C3orf22: variants seen among roughly 807,000 people sequenced by gnomAD.
The protein encoded by C3orf22 is uncharacterized protein C3orf22.
C3orf22 carries 7 observed loss-of-function variants against 10.8 expected under a neutral mutation model. That is an observed-to-expected ratio of 0.65 (90% confidence interval 0.37 to 1.22). The LOEUF (loss-of-function observed/expected upper bound fraction) is 1.22. C3orf22 is among the 50% of genes most tolerant of loss of function. The probability of loss-of-function intolerance (pLI) is 0.02; values close to 1 mark genes in which losing one functional copy is unlikely to be tolerated. For synonymous variants in C3orf22, 79 were observed against 78.9 expected (o/e 1.00, Z 0.00); for missense variants, 173 against 177.0 (o/e 0.98, Z 0.13).
intron 3 of C3orf22, 96 bp from the exon 4 acceptor site, chr3:126,550,174 G>A: frequency 7.3e-7 from 1 of 1,371,008 alleles, no homozygotes; most frequent in Non-Finnish European, 1.0e-6. Flanking sequence ...ACATCTGGGA[G>A]GGCTCCAACT....
downstream of C3orf22, among the ~76,000 whole-genome samples, chr3:126,548,657 G>T (rs1233750682): frequency 6.6e-6 from 1 of 152,178 alleles, no homozygotes; most frequent in Non-Finnish European, 1.5e-5. Flanking sequence ...CCTGGACCTG[G>T]GGTCCCACCT....
At chr3:126,555,769 A>T (rs1576253000) in intron 1 of C3orf22, among the ~76,000 whole-genome samples, 1 of 151,942 alleles carries the variant, frequency 6.6e-6, no homozygotes, top group Non-Finnish European at 1.5e-5. Context: ...ACCCTCTAAC[A>T]CCCTTGCCAG....
intron 4 of C3orf22, among the ~76,000 whole-genome samples, chr3:126,531,168 C>T (rs1042386958): frequency 3.9e-5 from 6 of 152,276 alleles, no homozygotes; most frequent in African/African-American, 9.6e-5. Context: ...CGCAGCCTCA[C>T]CTGGAGCTGC....
Position 126,553,424 on chromosome 3 carries a change from GC to G in C3orf22, c.-35del. On this transcript the variant is annotated 5_prime_UTR_variant, in exon 2 of 4. The change abolishes the stop of an existing upstream ORF in the 5' untranslated region. Transcript: ENST00000318225. ...GGGTTAAGCTGAGGCACACCTCTCA[GC>G]CATGGCTGGAAGACAAGAGGAGGCG... 1 of 1,590,036 alleles carries G rather than the reference GC, an allele frequency of 6.3e-7. No individual in the cohort carries two copies. The highest frequency in any genetic ancestry group is 2.3e-5 in the East Asian group (1 of 44,224).
In C3orf22 at chr3:126,549,840, T is replaced by C. The variant is rs1221698428; in HGVS notation, c.*28A>G. The C allele has an allele frequency of 6.3e-6, 10 of 1,586,990 alleles. No homozygotes were observed. Among genetic ancestry groups the C allele is most frequent in the Non-Finnish European group, 8.6e-6 (10 of 1,165,834 alleles). The stretch of plus-strand genomic sequence containing the variant: ...AGCCTGCCAAGGAGAAGGTGGCCAA[T>C]AAGAAGGCCACACACAGAGCCCAGT... On this transcript the variant is annotated 3_prime_UTR_variant, in exon 4 of 4. Coordinates refer to ENST00000318225, the MANE Select transcript of C3orf22 (RefSeq NM_152533.3).
At chr3:126,534,838 G>A (rs1354886457) in intron 4 of C3orf22, among the ~76,000 whole-genome samples, 1 of 145,112 alleles carries the variant, frequency 6.9e-6, no homozygotes, top group African/African-American at 2.6e-5. Context: ...CATACACAGA[G>A]AGCATCCCTG....
chr3:126,536,611 T>TG (rs1380321497), intron 4 of C3orf22, among the ~76,000 whole-genome samples: 22 of 151,866 alleles, frequency 1.4e-4, no homozygotes, highest in Admixed American at 8.5e-4. Flanking sequence ...GTGTTGCAGA[T>TG]AAAAAAGAGT....
At chr3:126,540,026 C>T (rs1170837308) in intron 4 of C3orf22, among the ~76,000 whole-genome samples, 3 of 149,344 alleles carry the variant, frequency 2.0e-5, no homozygotes, top group Non-Finnish European at 3.0e-5. Context: ...ATGCCACACA[C>T]ACGCACACCA....
At chr3:126,527,607 A>C (rs1054182782) in exon 6 of C3orf22, 8 of 152,472 alleles carry the variant, frequency 5.2e-5, no homozygotes, top group Non-Finnish European at 1.2e-4. Context: ...GGACAGGCCT[A>C]GGCCACATGC....
At chr3:126,542,180 CCG>C in intron 4 of C3orf22, 1 of 1,450,100 alleles carries the variant, frequency 6.9e-7, no homozygotes, top group Non-Finnish European at 9.0e-7. Flanking sequence ...GCGCCTGCGG[CCG>C]CGCGCGCTCC....
At position 126,557,078 on chromosome 3, in the gene C3orf22, TCA is replaced by T. The variant is rs371344338; in HGVS notation, c.-41+1547_-41+1548del. On this transcript the variant is annotated intron_variant, in intron 1 of 3. Transcript: ENST00000318225. ...CAGACTCACACATTCACACACAGAT[TCA>T]CACACACACAGATTCACACTCACAC... Among the ~76,000 whole-genome samples the T allele has an allele frequency of 1.4e-3, 203 of 149,620 alleles. No individual in the cohort carries two copies. In the Middle Eastern group the frequency reaches 0.046, roughly 34 times the overall value.
At chr3:126,541,584 T>G (rs1328193878) in intron 4 of C3orf22, 1 of 644,492 alleles carries the variant, frequency 1.6e-6, no homozygotes, top group Admixed American at 3.9e-5. Flanking sequence ...AACCACACAG[T>G]GATCAGTGAC....
intron 2 of C3orf22, 108 bp downstream of exon 2, chr3:126,553,194 C>A (rs1186977804): frequency 3.3e-5 from 28 of 847,056 alleles, no homozygotes; most frequent in Non-Finnish European, 5.7e-5. Flanking sequence ...TCCCTGTGGA[C>A]AAAACCCCCT....
intron 4 of C3orf22, among the ~76,000 whole-genome samples, chr3:126,539,340 G>A (rs964153647): frequency 5.3e-5 from 8 of 152,002 alleles, no homozygotes; most frequent in African/African-American, 7.3e-5. Flanking sequence ...GCCCTGTTCT[G>A]CACTTTGGTT....
chr3:126,553,931 T>C (rs1937263958), intron 1 of C3orf22, among the ~76,000 whole-genome samples: 1 of 152,234 alleles, frequency 6.6e-6, no homozygotes, highest in Non-Finnish European at 1.5e-5. Flanking sequence ...CCACTGTTAA[T>C]ATTCAGATGT....
At chr3:126,535,922 G>A (rs560895555) in intron 4 of C3orf22, among the ~76,000 whole-genome samples, 23 of 152,392 alleles carry the variant, frequency 1.5e-4, no homozygotes, top group Non-Finnish European at 2.4e-4. Flanking sequence ...GTTGGGGCAT[G>A]AGGCCAGGGC....
intron 2 of C3orf22, among the ~76,000 whole-genome samples, chr3:126,552,951 C>CG (rs1937232929): frequency 1.3e-5 from 2 of 152,250 alleles, no homozygotes; most frequent in African/African-American, 4.8e-5. Flanking sequence ...TGGCTAGTTG[C>CG]GAGTCCCAGG....
intron 1 of C3orf22, among the ~76,000 whole-genome samples, chr3:126,557,330 CCTA>C (rs1937373020): frequency 6.6e-6 from 1 of 152,206 alleles, no homozygotes; most frequent in Admixed American, 6.5e-5. Context: ...GCTGGCGTGA[CCTA>C]CTACCACACC....
chr3:126,557,937 C>T (rs1035178424), intron 1 of C3orf22, among the ~76,000 whole-genome samples: 53 of 145,010 alleles, frequency 3.7e-4, no homozygotes, highest in African/African-American at 1.1e-3. Context: ...GGGATGCCTT[C>T]GCTGGGCCTA....
Sources: allele counts gnomAD v4.1 joint callset (sites outside exome capture counted in the v4.1 genomes callset), GRCh38; gene constraint gnomAD v4.1.1; transcripts MANE v1.5; gene names NCBI Gene and HGNC (gene_info 2026-07-23, HGNC 2026-07-21).